Variants in LRRC4C observed in about 807,000 individuals in gnomAD.
LRRC4C encodes the protein leucine rich repeat containing 4C.
A neutral mutation model predicts 33.6 loss-of-function variants in LRRC4C; 5 were observed. The ratio of observed to expected loss-of-function variants is 0.15; its 90% CI spans 0.08 to 0.31. LRRC4C has a LOEUF of 0.31. Ranked by LOEUF, LRRC4C falls within the 10% of genes least tolerant of loss-of-function variation. The probability of loss-of-function intolerance (pLI) is 1.00; values close to 1 mark genes in which losing one functional copy is unlikely to be tolerated. For missense variants in LRRC4C, 560 were observed against 796.7 expected, an observed-to-expected ratio of 0.70 and a Z score of 3.58; for synonymous variants, 329 against 302.0, an observed-to-expected ratio of 1.09 and a Z score of -0.93.
At chr11:40,542,115 A>G (rs72885119) in intron 3 of LRRC4C, among the ~76,000 whole-genome samples, 13,468 of 107,242 alleles carry the variant, frequency 0.13, 1,724 homozygotes, top group African/African-American at 0.35. Flanking sequence ...TTCTTCTCAC[A>G]TTTTTTATAT....
At chr11:41,251,342 C>A (rs116835685) in intron 1 of LRRC4C, among the ~76,000 whole-genome samples, 1 of 152,124 alleles carries the variant, frequency 6.6e-6, no homozygotes, top group African/African-American at 2.4e-5. Flanking sequence ...TAGAGCTCAC[C>A]GTCTGCCCTA....
chr11:41,391,821 G>A (rs1053046196), intron 1 of LRRC4C, among the ~76,000 whole-genome samples: 3 of 151,760 alleles, frequency 2.0e-5, no homozygotes, highest in African/African-American at 7.3e-5. Flanking sequence ...TATCTCAAAT[G>A]TGTCTATGAA....
chr11:40,863,822 GT>G (rs575414413), intron 2 of LRRC4C, among the ~76,000 whole-genome samples: 1 of 152,022 alleles, frequency 6.6e-6, no homozygotes, highest in South Asian at 2.1e-4. Context: ...ATATTTTTGT[GT>G]TATTATAATT....
chr11:40,253,448 A>C (rs1866947660), intron 4 of LRRC4C, among the ~76,000 whole-genome samples: 1 of 152,176 alleles, frequency 6.6e-6, no homozygotes, highest in Non-Finnish European at 1.5e-5. Context: ...GATACTTTTT[A>C]GTTGAGAGAC....
chr11:40,188,499 T>G (rs748195327), intron 5 of LRRC4C, among the ~76,000 whole-genome samples: 1 of 152,246 alleles, frequency 6.6e-6, no homozygotes, highest in Non-Finnish European at 1.5e-5. Context: ...TTTACTGTAT[T>G]GAGTTTGCAT....
intron 1 of LRRC4C, among the ~76,000 whole-genome samples, chr11:41,272,044 G>T (rs949279407): frequency 5.3e-5 from 8 of 152,176 alleles, no homozygotes; most frequent in South Asian, 4.1e-4. Context: ...TGACTTCAGG[G>T]CCCACATTCT....
At chr11:40,415,192 A>G (rs1950282511) in intron 3 of LRRC4C, among the ~76,000 whole-genome samples, 1 of 152,208 alleles carries the variant, frequency 6.6e-6, no homozygotes, top group Non-Finnish European at 1.5e-5. Flanking sequence ...TAATTACAAT[A>G]TAAGAACTTT....
chr11:40,194,977 G>A (rs2135664230), intron 5 of LRRC4C, among the ~76,000 whole-genome samples: 1 of 152,034 alleles, frequency 6.6e-6, no homozygotes, highest in Admixed American at 6.5e-5. Context: ...TGTAGTCCCA[G>A]CTACTCCGGA....
At chr11:40,731,338 A>ATAAT in intron 2 of LRRC4C, among the ~76,000 whole-genome samples, 1 of 140,586 alleles carries the variant, frequency 7.1e-6, no homozygotes, top group East Asian at 2.0e-4. Context: ...AAATAAATAA[A>ATAAT]TAAAGTGTGA....
At chr11:40,810,226 A>G (rs1278619556) in intron 2 of LRRC4C, among the ~76,000 whole-genome samples, 1 of 152,152 alleles carries the variant, frequency 6.6e-6, no homozygotes, top group Non-Finnish European at 1.5e-5. Context: ...CCTTGCAGCA[A>G]AAATTGAGAC....
chr11:40,869,390 G>T (rs1036734808), intron 2 of LRRC4C, among the ~76,000 whole-genome samples: 4 of 152,082 alleles, frequency 2.6e-5, no homozygotes, highest in African/African-American at 7.2e-5. Context: ...CAACCATCAG[G>T]TGATGGTCAG....
chr11:41,231,156 A>C (rs1947774184), intron 1 of LRRC4C, among the ~76,000 whole-genome samples: 2 of 152,104 alleles, frequency 1.3e-5, no homozygotes, highest in South Asian at 4.1e-4. Context: ...ACACTTTTAC[A>C]CTGTTGGTGG....
intron 3 of LRRC4C, among the ~76,000 whole-genome samples, chr11:40,511,581 G>A (rs1436332663): frequency 6.6e-6 from 1 of 152,128 alleles, no homozygotes; most frequent in East Asian, 1.9e-4. Context: ...CACAGTGCCT[G>A]GCTTGATATC....
chr11:40,900,610 G>A (rs1487855316), intron 2 of LRRC4C, among the ~76,000 whole-genome samples: 1 of 151,552 alleles, frequency 6.6e-6, no homozygotes, highest in African/African-American at 2.4e-5. Flanking sequence ...TTTCCAAAAT[G>A]ACAATGCTAA....
At chr11:40,769,707 A>G (rs1949659568) in intron 2 of LRRC4C, among the ~76,000 whole-genome samples, 1 of 152,186 alleles carries the variant, frequency 6.6e-6, no homozygotes, top group Non-Finnish European at 1.5e-5. Context: ...TTTGACAAAG[A>G]TGTCAAGAAC....
intron 2 of LRRC4C, among the ~76,000 whole-genome samples, chr11:40,745,938 G>A (rs920311709): frequency 1.3e-5 from 2 of 152,202 alleles, no homozygotes; most frequent in African/African-American, 2.4e-5. Flanking sequence ...CTGACCAGAT[G>A]CATTTTGTAC....
At chr11:40,274,251 G>A (rs994632961) in intron 4 of LRRC4C, among the ~76,000 whole-genome samples, 8 of 151,840 alleles carry the variant, frequency 5.3e-5, no homozygotes, top group Non-Finnish European at 1.0e-4. Flanking sequence ...ATTCCGGAGG[G>A]GAGGGAAAGA....
intron 5 of LRRC4C, among the ~76,000 whole-genome samples, chr11:40,178,725 T>C (rs1035120855): frequency 1.3e-5 from 2 of 152,194 alleles, no homozygotes; most frequent in Non-Finnish European, 2.9e-5. Flanking sequence ...GGGAGGGAGA[T>C]GTGGACAGGC....
At chr11:40,555,751 A>G (rs1322134444) in intron 3 of LRRC4C, among the ~76,000 whole-genome samples, 1 of 152,178 alleles carries the variant, frequency 6.6e-6, no homozygotes, top group Non-Finnish European at 1.5e-5. Context: ...AGATAAGCAA[A>G]AAAGCCCTAG....
Sources: gnomAD v4.1 joint callset for allele counts (sites outside exome capture counted in the v4.1 genomes callset) on GRCh38, gnomAD v4.1.1 for gene constraint, MANE v1.5 for transcripts, NCBI Gene and HGNC (gene_info 2026-07-23, HGNC 2026-07-21) for gene names.